Variants in DISC1 observed in about 807,000 individuals in gnomAD.
DISC1 encodes the protein disrupted in schizophrenia 1 protein.
A neutral mutation model predicts 84.5 loss-of-function variants in DISC1; 57 were observed. The observed-to-expected ratio is 0.67, with a 90% CI of 0.55 to 0.84. The LOEUF is 0.84. DISC1 is among the 40% of genes least tolerant of loss of function. The pLI is 0.00. For synonymous variants in DISC1, 411 were observed against 415.2 expected, an observed-to-expected ratio of 0.99 and a Z score of 0.12; for missense variants, 1,000 against 1,057.8, an observed-to-expected ratio of 0.95 and a Z score of 0.76.
chr1:231,817,378 C>T (rs1250262369), intron 8 of DISC1, among the ~76,000 whole-genome samples: 3 of 152,176 alleles, frequency 2.0e-5, no homozygotes, highest in African/African-American at 7.2e-5. Flanking sequence ...GCCACCATGC[C>T]CAGCTCACTC....
chr1:231,630,783 A>AT lies in DISC1; in HGVS notation c.67+3855dup, dbSNP rs1345395551. On this transcript the variant is annotated intron_variant, in intron 1 of 12. Transcript: ENST00000439617. This position sits in a 1 kb window ranked among gnomAD's most constrained non-coding sequence, Gnocchi z 4.4. ...CAGATGCTTTAGCCGTTCAGAATCC[A>AT]TTTTTTCTTTCAAAACCAGAGTTCA... 6.6e-6 allele frequency among the ~76,000 whole-genome samples: 1 copy of AT among 152,112 alleles called. No individual in the cohort carries two copies. Among genetic ancestry groups the AT allele is most frequent in the Admixed American group, 6.5e-5 (1 of 15,268 alleles).
intron 9 of DISC1, among the ~76,000 whole-genome samples, chr1:231,898,294 A>G (rs1008904572): frequency 6.6e-6 from 1 of 152,228 alleles, no homozygotes; most frequent in Non-Finnish European, 1.5e-5. Context: ...TCTAGGAAGA[A>G]TGCATATTCT....
chr1:231,789,288 T>G (rs1403605058), intron 6 of DISC1, among the ~76,000 whole-genome samples: 1 of 152,138 alleles, frequency 6.6e-6, no homozygotes, highest in Non-Finnish European at 1.5e-5. Context: ...CACAGCAGAT[T>G]TGAGGAGCTG....
intron 9 of DISC1, among the ~76,000 whole-genome samples, chr1:231,896,788 A>G (rs1553388166): frequency 1.1e-4 from 17 of 152,222 alleles, no homozygotes; most frequent in Non-Finnish European, 1.5e-5. Context: ...GTCTGGCACC[A>G]TGTCGTTCAG....
At chr1:231,785,592 CTG>C (rs996967001) in intron 6 of DISC1, among the ~76,000 whole-genome samples, 1 of 152,070 alleles carries the variant, frequency 6.6e-6, no homozygotes, top group African/African-American at 2.4e-5. Context: ...CCATACCTGG[CTG>C]TGTGAGTGTG....
At chr1:231,803,401 A>T (rs2079434966) in intron 8 of DISC1, among the ~76,000 whole-genome samples, 1 of 152,170 alleles carries the variant, frequency 6.6e-6, no homozygotes, top group Non-Finnish European at 1.5e-5. Context: ...AGTCTCTGAG[A>T]GACAGGAGTC....
intron 9 of DISC1, among the ~76,000 whole-genome samples, chr1:231,904,437 C>T (rs566918569): frequency 6.6e-6 from 1 of 152,174 alleles, no homozygotes; most frequent in Non-Finnish European, 1.5e-5. Context: ...CTGTGGGGTC[C>T]CTTCTGAAAG....
At position 231,919,199 on chromosome 1, in the gene DISC1, A is replaced by T. The variant is rs902818433; in HGVS notation, c.1982-39629A>T. ...TCTTGACAGATCACGAGTATAATTT[A>T]TACCAGCTCAGTGGCACTAATCTTG... On this transcript the variant is annotated intron_variant, in intron 9 of 12. Transcript: ENST00000439617. 3.3e-5 allele frequency among the ~76,000 whole-genome samples: 5 copies of T among 152,216 alleles called. No individual in the cohort carries two copies. In the South Asian group the frequency reaches 8.3e-4, roughly 25 times the overall value.
chr1:231,683,885 C>T (rs2063951822), intron 1 of DISC1, among the ~76,000 whole-genome samples: 1 of 152,068 alleles, frequency 6.6e-6, no homozygotes. Context: ...ACCCAAGTCC[C>T]AGTGGTTCTG....
intron 3 of DISC1, chr1:231,722,824 G>A: frequency 2.1e-6 from 3 of 1,439,288 alleles, no homozygotes; most frequent in Non-Finnish European, 2.7e-6. Context: ...GGGCATTTCT[G>A]CCCACTGTAC....
At chr1:231,815,790 A>G (rs546238362) in intron 8 of DISC1, among the ~76,000 whole-genome samples, 2 of 152,062 alleles carry the variant, frequency 1.3e-5, no homozygotes, top group South Asian at 2.1e-4. Flanking sequence ...TGCTGCATGT[A>G]TGACGAGTTT....
chr1:231,708,253 C>T (rs911121224), intron 3 of DISC1, among the ~76,000 whole-genome samples: 2 of 152,116 alleles, frequency 1.3e-5, no homozygotes, highest in African/African-American at 2.4e-5. Flanking sequence ...TGTTGGCAGG[C>T]ACCATCCAAT....
intron 1 of DISC1, among the ~76,000 whole-genome samples, chr1:231,693,294 T>C (rs780310185): frequency 6.6e-6 from 1 of 152,232 alleles, no homozygotes; most frequent in East Asian, 1.9e-4. Context: ...GGCCATACAT[T>C]GCGGCACAGC....
intron 3 of DISC1, chr1:231,724,150 A>G (rs2070282861): frequency 3.7e-6 from 2 of 534,108 alleles, no homozygotes; most frequent in African/African-American, 2.1e-5. Context: ...TTGGCTTTGC[A>G]TGCTCAATTG....
chr1:231,908,122 C>T (rs149661596), intron 9 of DISC1, among the ~76,000 whole-genome samples: 3 of 152,044 alleles, frequency 2.0e-5, no homozygotes, highest in South Asian at 2.1e-4. Flanking sequence ...CCATTCTGTA[C>T]GTTGCCTGTT....
chr1:231,939,523 G>A (rs114454489), intron 9 of DISC1, among the ~76,000 whole-genome samples: 185 of 152,230 alleles, frequency 1.2e-3, no homozygotes, highest in African/African-American at 4.2e-3. Context: ...CTCCTGCAGG[G>A]ATTCACACAC....
At chr1:231,710,846 G>C (rs552711050) in intron 3 of DISC1, among the ~76,000 whole-genome samples, 13 of 152,170 alleles carry the variant, frequency 8.5e-5, no homozygotes, top group African/African-American at 3.1e-4. Context: ...AGGTCCTGGG[G>C]GTTAGAACTC....
At chr1:231,769,112 G>A (rs1349687544) in intron 5 of DISC1, among the ~76,000 whole-genome samples, 1 of 152,212 alleles carries the variant, frequency 6.6e-6, no homozygotes, top group Non-Finnish European at 1.5e-5. Flanking sequence ...ATTGGATGGT[G>A]TTAAGCAGTG....
chr1:231,884,647 G>C lies in DISC1; in HGVS notation c.1981+66130G>C, dbSNP rs186068388. Among the ~76,000 whole-genome samples, 8 of 152,250 alleles carry C rather than the reference G, an allele frequency of 5.3e-5. No individual in the cohort carries two copies. The East Asian group carries it at 1.4e-3, about 26-fold the overall frequency. The stretch of plus-strand genomic sequence containing the variant: ...ACGCTGGGGCCTACTTGAGATTGGA[G>C]GGTGGGAGGAGGGTAAGGATTGAAA... On this transcript the variant is annotated intron_variant, in intron 9 of 12. Coordinates refer to ENST00000439617, the MANE Select transcript of DISC1 (RefSeq NM_018662.3).
Sources: allele counts gnomAD v4.1 joint callset (sites outside exome capture counted in the v4.1 genomes callset), GRCh38; gene constraint gnomAD v4.1.1; non-coding constraint Gnocchi (gnomAD v3.1); transcripts MANE v1.5; gene names NCBI Gene and HGNC (gene_info 2026-07-23, HGNC 2026-07-21).